Variants in SERTAD4 observed in about 807,000 individuals in gnomAD.
SERTAD4 encodes SERTA domain-containing protein 4.
In SERTAD4, 18 loss-of-function variants were observed where a neutral mutation model predicts 32.9. The ratio of observed to expected loss-of-function variants is 0.55; its 90% CI spans 0.38 to 0.81. The LOEUF (loss-of-function observed/expected upper bound fraction) is 0.81. SERTAD4 is among the 30% of genes least tolerant of loss of function. SERTAD4 has a pLI of 0.00. For synonymous variants in SERTAD4, 150 were observed against 156.4 expected (o/e 0.96, Z 0.30); for missense variants, 383 against 426.0 (o/e 0.90, Z 0.89).
chr1:210,241,199 C>A (rs1210583370), intron 3 of SERTAD4, among the ~76,000 whole-genome samples: 1 of 152,142 alleles, frequency 6.6e-6, no homozygotes, highest in African/African-American at 2.4e-5. Flanking sequence ...CCTCTCCTGA[C>A]TTCTAATAGC....
intron 2 of SERTAD4, 33 bp from the exon 3 acceptor site, chr1:210,239,460 A>G (rs1440025629): frequency 4.7e-6 from 6 of 1,287,172 alleles, no homozygotes; most frequent in Non-Finnish European, 6.8e-6. Flanking sequence ...GGCAAACCGC[A>G]TGTCATTTGT....
At position 210,241,745 on chromosome 1, in the gene SERTAD4, CT is replaced by C; in HGVS notation, c.480del (p.Ala161ProfsTer40). On this transcript the variant is annotated frameshift_variant, in exon 4 of 4. Transcript: ENST00000367012. LOFTEE classifies it high-confidence loss of function. ...CCTGCCTGCTCTTTCAATGGCACCTCTGCCCAAGAGTGGTTTATGGCTCAAG... is the reference window on the plus strand; with the variant it reads ...CCTGCCTGCTCTTTCAATGGCACCTCGCCCAAGAGTGGTTTATGGCTCAAG... ...CFPACSFNGT[S>X]AQEWFMAQDC... 6.2e-7 allele frequency: 1 copy of C among 1,614,116 alleles called. No individual in the cohort carries two copies. The highest frequency in any genetic ancestry group is 1.3e-5 in the African/African-American group (1 of 75,016).
intron 3 of SERTAD4, among the ~76,000 whole-genome samples, chr1:210,240,219 T>G (rs1223064335): frequency 6.6e-6 from 1 of 152,202 alleles, no homozygotes; most frequent in Non-Finnish European, 1.5e-5. Flanking sequence ...TTGCATAGAA[T>G]TATGAATCTG....
chr1:210,238,069 C>T lies in SERTAD4; in HGVS notation c.109C>T (p.Pro37Ser). The change falls in exon 2 of 4, where the codon CCA becomes TCA. Residue 37 changes from proline to serine, a missense_variant. This residue lies in a region of SERTAD4 where 96 missense variants were observed against 76.6 expected (regional missense o/e 1.25). Transcript: ENST00000367012. ...ATGGGAGGCTGACAGCTACGGAGGC[C>T]CAAGCCCCCCAGGGCCAGCACAAGC... is the stretch of plus-strand genomic sequence containing the variant. ...TLWEADSYGG[P>S]SPPGPAQAPL... The T allele has an allele frequency of 1.9e-6, 3 of 1,613,526 alleles. No homozygotes were observed. Among genetic ancestry groups the T allele is most frequent in the Non-Finnish European group, 2.5e-6 (3 of 1,179,770 alleles).
rs933966577 is a variant in SERTAD4, at chr1:210,243,284, G to A, written c.*947G>A. On this transcript the variant is annotated 3_prime_UTR_variant, in exon 4 of 4. Transcript: ENST00000367012. The stretch of plus-strand genomic sequence containing the variant: ...AGAGAGAGCTGTTAGAAAGCAGCAC[G>A]GGCTGCTCGAGCTTTTCTATGGCAA... 4.9e-5 allele frequency: 17 copies of A among 345,720 alleles called. No individual in the cohort carries two copies. Among genetic ancestry groups the A allele is most frequent in the African/African-American group, 3.2e-4 (14 of 44,270 alleles). 21.4% of individuals were successfully genotyped at this position (345,720 alleles called of 1,614,324 possible).
chr1:210,241,117 C>A (rs2083990062), intron 3 of SERTAD4, among the ~76,000 whole-genome samples: 1 of 151,618 alleles, frequency 6.6e-6, no homozygotes, highest in African/African-American at 2.4e-5. Context: ...ACATAACTAG[C>A]AACCAGAATC....
Position 210,246,032 on chromosome 1 carries a change from C to A in SERTAD4, c.*3695C>A. ...ATTTGTAGTTAAGGTTATCACATCC[C>A]TGCCAATTTTACTAGATTTTTTCAG... On this transcript the variant is annotated 3_prime_UTR_variant, in exon 4 of 4. Transcript: ENST00000367012. 3.1e-6 allele frequency: 2 copies of A among 651,580 alleles called. No individual in the cohort carries two copies. The highest frequency in any genetic ancestry group is 6.8e-5 in the South Asian group (1 of 14,722). 40.4% of individuals were successfully genotyped at this position (651,580 alleles called of 1,614,324 possible). A position where few individuals can be genotyped will look rare whatever the true frequency, so the allele number is the denominator to read the frequency against.
rs975976913 is a variant in SERTAD4 at position 210,244,612 on chromosome 1, A to G, written c.*2275A>G. ...ATTTGTCAAATGTAGCATTCTTATT[A>G]TGAGTGTAATATCTCATGGAGATTT... On this transcript the variant is annotated 3_prime_UTR_variant, in exon 4 of 4. Transcript: ENST00000367012. 1.4e-4 allele frequency: 21 copies of G among 152,296 alleles called. No homozygotes were observed. Among genetic ancestry groups the G allele is most frequent in the African/African-American group, 5.1e-4 (21 of 41,566 alleles). 9.4% of individuals were successfully genotyped at this position (152,296 alleles called of 1,614,324 possible).
intron 1 of SERTAD4, chr1:210,233,984 G>GTT (rs36086035): frequency 2.1e-5 from 7 of 340,520 alleles, no homozygotes. Flanking sequence ...AGGAAACTTG[G>GTT]TTTTTTTTTT....
chr1:210,240,184 T>TAA (rs1013205694), intron 3 of SERTAD4, among the ~76,000 whole-genome samples: 2 of 146,178 alleles, frequency 1.4e-5, no homozygotes, highest in African/African-American at 5.0e-5. Context: ...TAGGTATAGT[T>TAA]AAAAAAAAAA....
chr1:210,243,134 T>C lies in SERTAD4; in HGVS notation c.*797T>C, dbSNP rs2084017204. ...AAAAAAACCACAGGGTGGATCAATA[T>C]GGTTTGGAAACTGTTAACTTTGAAC... On this transcript the variant is annotated 3_prime_UTR_variant, in exon 4 of 4. Coordinates refer to ENST00000367012, the MANE Select transcript of SERTAD4 (RefSeq NM_019605.5). The C allele has an allele frequency of 1.0e-6, 1 of 977,398 alleles. No homozygotes were observed. 60.5% of individuals were successfully genotyped at this position (977,398 alleles called of 1,614,324 possible). A position where few individuals can be genotyped will look rare whatever the true frequency, so the allele number is the denominator to read the frequency against.
In SERTAD4 at chr1:210,242,626, G is replaced by C. The variant is rs2084010390; in HGVS notation, c.*289G>C. The C allele has an allele frequency of 8.9e-7, 1 of 1,124,268 alleles. No individual in the cohort carries two copies. 69.6% of individuals were successfully genotyped at this position (1,124,268 alleles called of 1,614,324 possible). ...TCAGTAGATGAGATTGGGGGACAAT[G>C]TGCCCTTGCAATATTTCCATTGCCC... On this transcript the variant is annotated 3_prime_UTR_variant, in exon 4 of 4. Transcript: ENST00000367012. The surrounding 1 kb of genome is among the most constrained non-coding windows in gnomAD (Gnocchi z 4.0).
chr1:210,235,716 AAC>A (rs1375185007), intron 1 of SERTAD4, among the ~76,000 whole-genome samples: 1 of 152,268 alleles, frequency 6.6e-6, no homozygotes, highest in African/African-American at 2.4e-5. Flanking sequence ...AATATAAACA[AAC>A]TCTGACAAAC....
At chr1:210,233,913 C>T (rs1015916592) in intron 1 of SERTAD4, 2 of 437,428 alleles carry the variant, frequency 4.6e-6, no homozygotes, top group Non-Finnish European at 9.2e-6. Flanking sequence ...CCGCCAGAGC[C>T]CTGCCAGCCG....
chr1:210,233,317 C>T (rs1399188432), intron 1 of SERTAD4, among the ~76,000 whole-genome samples: 1 of 152,032 alleles, frequency 6.6e-6, no homozygotes, highest in Non-Finnish European at 1.5e-5. Flanking sequence ...CTCGGGCTGC[C>T]ACCCGCGCGC....
intron 2 of SERTAD4, among the ~76,000 whole-genome samples, chr1:210,238,562 T>C (rs2083966023): frequency 6.6e-6 from 1 of 152,234 alleles, no homozygotes; most frequent in South Asian, 2.1e-4. Context: ...TATGAGCTTC[T>C]TTTCTTTGTT....
rs1309249908 is a variant in SERTAD4 at position 210,243,744 on chromosome 1, T to C, written c.*1407T>C. On this transcript the variant is annotated 3_prime_UTR_variant, in exon 4 of 4. Transcript: ENST00000367012. Reference sequence around the variant, plus strand: ...GTATTCCAGTTTCCAAGTTTACTAATTGACTTGGGCCTGTTCAAATAATAC... The same window carrying C: ...GTATTCCAGTTTCCAAGTTTACTAACTGACTTGGGCCTGTTCAAATAATAC... 1 of 152,186 alleles carries C rather than the reference T, an allele frequency of 6.6e-6. No individual in the cohort carries two copies. The highest frequency in any genetic ancestry group is 2.4e-5 in the African/African-American group (1 of 41,450). The allele number at this position is 152,186 out of a possible 1,614,324, so 9.4% of individuals were successfully genotyped here. A position where few individuals can be genotyped will look rare whatever the true frequency, so the allele number is the denominator to read the frequency against.
intron 1 of SERTAD4, among the ~76,000 whole-genome samples, chr1:210,235,985 T>C (rs1208087640): frequency 6.6e-6 from 1 of 152,262 alleles, no homozygotes; most frequent in Non-Finnish European, 1.5e-5. Context: ...CTGTAATTCA[T>C]GTGCTCTTGG....
intron 2 of SERTAD4, among the ~76,000 whole-genome samples, chr1:210,239,140 T>C (rs1428368790): frequency 6.6e-6 from 1 of 152,190 alleles, no homozygotes; most frequent in East Asian, 1.9e-4. Flanking sequence ...TGCTATGTTG[T>C]CATGAATTTA....
Sources: allele counts gnomAD v4.1 joint callset (sites outside exome capture counted in the v4.1 genomes callset), GRCh38; gene constraint gnomAD v4.1.1; regional missense constraint gnomAD v4.1.1; non-coding constraint Gnocchi (gnomAD v3.1); transcripts MANE v1.5; gene names NCBI Gene and HGNC (gene_info 2026-07-23, HGNC 2026-07-21).